LATS1: variants seen among roughly 807,000 people sequenced by gnomAD.
The protein encoded by LATS1 is serine/threonine-protein kinase LATS1.
In LATS1, 25 loss-of-function variants were observed where a neutral mutation model predicts 106.6. The observed-to-expected ratio is 0.23, with a 90% confidence interval of 0.17 to 0.33. The LOEUF (loss-of-function observed/expected upper bound fraction) is 0.33, where lower values mean the gene tolerates loss of function less well. LATS1 is among the 10% of genes least tolerant of loss of function. The pLI, the probability that LATS1 is intolerant of heterozygous loss-of-function variation, is 1.00. For missense variants in LATS1, 1,040 were observed against 1,382.6 expected (o/e 0.75, Z 3.93); for synonymous variants, 465 against 455.6 (o/e 1.02, Z -0.26).
At chr6:149,715,966 T>C (rs1457311236) in intron 1 of LATS1, among the ~76,000 whole-genome samples, 3 of 152,134 alleles carry the variant, frequency 2.0e-5, no homozygotes. Flanking sequence ...GTCACCTACC[T>C]ACCCCATAAC....
chr6:149,664,762 C>T lies in LATS1; in HGVS notation c.2884-2524G>A, dbSNP rs192191002. 1.3e-3 allele frequency among the ~76,000 whole-genome samples: 194 copies of T among 152,220 alleles called. 2 individuals carry two copies. The highest frequency in any genetic ancestry group is 2.1e-3 in the Non-Finnish European group (142 of 68,016). ...AAAAAATTAATTCTCACTATGTTGTCCACGCTGGTCTTGAACTCCTAGCCT... is the reference window on the plus strand; with the variant it reads ...AAAAAATTAATTCTCACTATGTTGTTCACGCTGGTCTTGAACTCCTAGCCT... On this transcript the variant is annotated intron_variant, in intron 7 of 7. Transcript: ENST00000543571.
intron 1 of LATS1, among the ~76,000 whole-genome samples, chr6:149,706,313 G>C (rs1047001133): frequency 1.3e-5 from 2 of 150,624 alleles, no homozygotes; most frequent in African/African-American, 4.9e-5. Context: ...GACCAGCCTG[G>C]GTGGGCAACA....
At chr6:149,663,090 G>C (rs1487989054) in intron 7 of LATS1, among the ~76,000 whole-genome samples, 1 of 152,170 alleles carries the variant, frequency 6.6e-6, no homozygotes, top group Non-Finnish European at 1.5e-5. Flanking sequence ...AACTCTTGGA[G>C]GCAGGGGAAT....
At chr6:149,689,379 T>C (rs1322055299) in intron 3 of LATS1, among the ~76,000 whole-genome samples, 2 of 150,304 alleles carry the variant, frequency 1.3e-5, no homozygotes, top group African/African-American at 4.9e-5. Flanking sequence ...AGGATTTAAA[T>C]TATCCTTTCA....
intron 1 of LATS1, among the ~76,000 whole-genome samples, chr6:149,710,106 G>A (rs1377412226): frequency 2.0e-5 from 3 of 152,090 alleles, no homozygotes; most frequent in African/African-American, 7.2e-5. Flanking sequence ...CTGCTTCAAG[G>A]TGTCTTCCTT....
chr6:149,685,696 G>T (rs1276378995), intron 3 of LATS1, among the ~76,000 whole-genome samples: 1 of 151,700 alleles, frequency 6.6e-6, no homozygotes, highest in Non-Finnish European at 1.5e-5. Context: ...TTTTAATATG[G>T]TTTTTAAAAC....
At chr6:149,696,738 T>C (rs906317236) in intron 2 of LATS1, among the ~76,000 whole-genome samples, 2 of 152,034 alleles carry the variant, frequency 1.3e-5, no homozygotes, top group South Asian at 2.1e-4. Context: ...ACTTAGACTA[T>C]ATATGATTAT....
At chr6:149,705,603 A>G (rs936194407) in intron 1 of LATS1, among the ~76,000 whole-genome samples, 2 of 152,006 alleles carry the variant, frequency 1.3e-5, no homozygotes, top group Non-Finnish European at 2.9e-5. Flanking sequence ...AGAGAGAAAA[A>G]AAAAAGAAAA....
intron 1 of LATS1, among the ~76,000 whole-genome samples, chr6:149,704,263 A>C (rs1783625421): frequency 1.3e-5 from 2 of 152,164 alleles, no homozygotes; most frequent in South Asian, 4.1e-4. Flanking sequence ...TCAGCCTCCC[A>C]AAGTGCTGGG....
chr6:149,667,686 C>T (rs1781230668), intron 7 of LATS1, among the ~76,000 whole-genome samples: 1 of 151,988 alleles, frequency 6.6e-6, no homozygotes, highest in Non-Finnish European at 1.5e-5. Context: ...ACACATAAAC[C>T]TACAGATTTA....
intron 3 of LATS1, among the ~76,000 whole-genome samples, chr6:149,688,604 G>A (rs1032826825): frequency 6.6e-6 from 1 of 152,002 alleles, no homozygotes; most frequent in Admixed American, 6.6e-5. Context: ...CACTGCACCC[G>A]GGCCGTTCAT....
intron 3 of LATS1, among the ~76,000 whole-genome samples, chr6:149,692,007 C>T (rs1397574077): frequency 3.3e-5 from 5 of 152,216 alleles, no homozygotes; most frequent in East Asian, 1.9e-4. Context: ...TCACTGCTAT[C>T]GCCCAAGCCC....
Position 149,659,160 on chromosome 6 carries a change from G to A in LATS1, c.*2569C>T, listed in dbSNP as rs1035767533. On this transcript the variant is annotated 3_prime_UTR_variant, in exon 8 of 8. Transcript: ENST00000543571. Reference sequence around the variant, plus strand: ...AATGCAAAAAGCTTATAGTATCAGAGGAAATTTTAAAAGAATACATATTTG... The same window carrying A: ...AATGCAAAAAGCTTATAGTATCAGAAGAAATTTTAAAAGAATACATATTTG... The A allele has an allele frequency of 1.8e-5, 3 of 170,432 alleles. No individual in the cohort carries two copies. Among genetic ancestry groups the A allele is most frequent in the Non-Finnish European group, 3.8e-5 (3 of 78,512 alleles). 10.6% of individuals were successfully genotyped at this position (170,432 alleles called of 1,614,324 possible).
Position 149,684,815 on chromosome 6 carries a change from T to C in LATS1, c.497-223A>G, listed in dbSNP as rs1782271549. On this transcript the variant is annotated intron_variant, in intron 3 of 7. Coordinates refer to ENST00000543571, the MANE Select transcript of LATS1 (RefSeq NM_004690.4). ...ATTGCCGAGAGTAAATTTGAAGTATTCTCACTACAAAAAAATGATATGTGA... is the reference window on the plus strand; with the variant it reads ...ATTGCCGAGAGTAAATTTGAAGTATCCTCACTACAAAAAAATGATATGTGA... Among the ~76,000 whole-genome samples the C allele has an allele frequency of 2.6e-5, 4 of 152,144 alleles. No individual in the cohort carries two copies. The South Asian group carries it at 8.3e-4, about 32-fold the overall frequency.
intron 5 of LATS1, among the ~76,000 whole-genome samples, chr6:149,677,511 A>C (rs1042133229): frequency 1.3e-5 from 2 of 152,194 alleles, no homozygotes; most frequent in Non-Finnish European, 2.9e-5. Context: ...CAGAGTTCGA[A>C]GCAAGAAGAT....
intron 7 of LATS1, among the ~76,000 whole-genome samples, chr6:149,663,600 G>A (rs1230579152): frequency 6.6e-6 from 1 of 151,974 alleles, no homozygotes; most frequent in Non-Finnish European, 1.5e-5. Context: ...CTACTATAGA[G>A]GGAAGAAAAA....
chr6:149,710,699 G>A (rs1164338937), intron 1 of LATS1, among the ~76,000 whole-genome samples: 1 of 152,186 alleles, frequency 6.6e-6, no homozygotes, highest in Non-Finnish European at 1.5e-5. Flanking sequence ...AAAATATCTG[G>A]TAACGCTGTT....
Position 149,662,031 on chromosome 6 carries a change from T to C in LATS1, c.3091A>G (p.Thr1031Ala). 1 of 1,614,184 alleles carries C rather than the reference T, an allele frequency of 6.2e-7. No individual in the cohort carries two copies. Among genetic ancestry groups the C allele is most frequent in the Non-Finnish European group, 8.5e-7 (1 of 1,180,018 alleles). The change falls in exon 8 of 8, where the codon ACA becomes GCA. Residue 1031 changes from threonine (T) to alanine (A), a missense_variant. Thr to Ala is a moderately conservative substitution (Grantham distance 58). Around this residue, in one of 7 missense-constraint regions of LATS1, gnomAD observed 113 missense variants for 146.3 expected, o/e 0.77. Coordinates refer to ENST00000543571, the MANE Select transcript of LATS1 (RefSeq NM_004690.4). ...QQSASYIPKITHPTDTSNFDP... is the reference protein window; with the variant it reads ...QQSASYIPKIAHPTDTSNFDP... Reference sequence around the variant, plus strand: ...AAATTTGATGTATCTGTTGGGTGTGTGATTTTAGGAATGTATGAAGCAGAC... The same window carrying C: ...AAATTTGATGTATCTGTTGGGTGTGCGATTTTAGGAATGTATGAAGCAGAC...
At chr6:149,695,678 A>G (rs1421802665) in intron 2 of LATS1, among the ~76,000 whole-genome samples, 2 of 53,898 alleles carry the variant, frequency 3.7e-5, no homozygotes, top group South Asian at 5.4e-4. Flanking sequence ...CTGTCTTGGA[A>G]AAAAAAAAAA....
Sources: gnomAD v4.1 joint callset for allele counts (sites outside exome capture counted in the v4.1 genomes callset) on GRCh38, gnomAD v4.1.1 for gene constraint, gnomAD v4.1.1 regional missense constraint, MANE v1.5 for transcripts, NCBI Gene and HGNC (gene_info 2026-07-23, HGNC 2026-07-21) for gene names.